The following LACTBL1 variants were observed in gnomAD, a reference collection of about 807,000 sequenced individuals.
LACTBL1 encodes the protein beta-lactamase-like protein 1.
Under a neutral mutation model 39.6 loss-of-function variants are expected in LACTBL1, and 29 were observed. The ratio of observed to expected loss-of-function variants is 0.73; its 90% CI spans 0.55 to 1.00. The LOEUF (loss-of-function observed/expected upper bound fraction) is 1.00. Ranked by LOEUF, LACTBL1 falls within the 50% of genes least tolerant of loss-of-function variation. The pLI, the probability that LACTBL1 is intolerant of heterozygous loss-of-function variation, is 0.00. For missense variants in LACTBL1, 711 were observed against 748.5 expected, an observed-to-expected ratio of 0.95 and a Z score of 0.59; for synonymous variants, 361 against 360.7, an observed-to-expected ratio of 1.00 and a Z score of -0.01.
chr1:22,966,734 A>G (rs1289432771), upstream of LACTBL1, among the ~76,000 whole-genome samples: 1 of 152,100 alleles, frequency 6.6e-6, no homozygotes, highest in East Asian at 1.9e-4. Context: ...GTCCTCAAGC[A>G]CCTGGAACTC....
exon 6 of LACTBL1, chr1:22,953,562 C>T: frequency 8.0e-7 from 1 of 1,250,188 alleles, no homozygotes; most frequent in Non-Finnish European, 1.0e-6. Flanking sequence ...GGGGCACCAG[C>T]GAGAAGGTGG....
chr1:22,967,613 C>T (rs754066302), upstream of LACTBL1, among the ~76,000 whole-genome samples: 2 of 151,716 alleles, frequency 1.3e-5, no homozygotes, highest in Non-Finnish European at 2.9e-5. Flanking sequence ...CACATATACA[C>T]ATATATATAA....
intron 4 of LACTBL1, among the ~76,000 whole-genome samples, chr1:22,956,406 G>A (rs754328504): frequency 2.8e-4 from 43 of 151,938 alleles, no homozygotes; most frequent in Non-Finnish European, 4.7e-4. Flanking sequence ...AGGAGGAGGA[G>A]GAAGGAGCCC....
At chr1:22,953,588 G>A (rs1640730701) in exon 6 of LACTBL1, 6 of 1,257,254 alleles carry the variant, frequency 4.8e-6, no homozygotes, top group Non-Finnish European at 5.0e-6. Context: ...TAGCCGTCCA[G>A]ATCGCCGTCC....
intron 1 of LACTBL1, 142 bp from the exon 4 acceptor site, chr1:22,963,358 C>G (rs937893103): frequency 2.7e-5 from 12 of 442,404 alleles, no homozygotes; most frequent in Non-Finnish European, 4.8e-5. Context: ...GGTCCAGAGA[C>G]CAGCCCTAGC....
exon 6 of LACTBL1, chr1:22,953,926 A>T: frequency 6.5e-7 from 1 of 1,550,354 alleles, no homozygotes; most frequent in Non-Finnish European, 8.7e-7. Context: ...CAGCGGCTCC[A>T]GCACGTTCTC....
the LACTBL1 span, among the ~76,000 whole-genome samples, chr1:22,971,570 G>C: frequency 1.3e-5 from 2 of 151,972 alleles, no homozygotes; most frequent in African/African-American, 4.8e-5. Context: ...CCTTCCTCAT[G>C]CTCACGGCCC....
upstream of LACTBL1, among the ~76,000 whole-genome samples, chr1:22,968,940 A>G (rs912542659): frequency 2.6e-5 from 4 of 152,008 alleles, no homozygotes; most frequent in African/African-American, 9.7e-5. Context: ...CAGTGATGTG[A>G]TCAGTTTTTG....
upstream of LACTBL1, among the ~76,000 whole-genome samples, chr1:22,965,817 TG>T (rs1351543117): frequency 6.6e-6 from 1 of 152,150 alleles, no homozygotes; most frequent in East Asian, 1.9e-4. Context: ...CAGTTCAACA[TG>T]GTTGGGGAGG....
At chr1:22,970,809 C>CAA in the LACTBL1 span, among the ~76,000 whole-genome samples, 111 of 80,118 alleles carry the variant, frequency 1.4e-3, no homozygotes, top group African/African-American at 1.6e-3. Context: ...GACCCTGTCT[C>CAA]AAAAAAAAAA....
upstream of LACTBL1, among the ~76,000 whole-genome samples, chr1:22,967,632 T>TAC (rs1206070344): frequency 2.3e-4 from 35 of 151,684 alleles, no homozygotes; most frequent in African/African-American, 8.5e-4. Context: ...AATGGTTCCA[T>TAC]ACATATATAT....
intron 1 of LACTBL1, 65 bp from the exon 4 acceptor site, chr1:22,963,281 G>C: frequency 1.1e-6 from 1 of 938,158 alleles, no homozygotes; most frequent in South Asian, 2.9e-5. Context: ...GGGGAAAGTG[G>C]CAGCAAAGGC....
At chr1:22,970,104 G>A (rs1236989657), upstream of LACTBL1, among the ~76,000 whole-genome samples, 1 of 152,168 alleles carries the variant, frequency 6.6e-6, no homozygotes, top group Non-Finnish European at 1.5e-5. Flanking sequence ...TTTACATCTG[G>A]AAATCTTGTG....
At chr1:22,955,882 T>C (rs1162390908) in intron 4 of LACTBL1, among the ~76,000 whole-genome samples, 1 of 150,358 alleles carries the variant, frequency 6.7e-6, no homozygotes, top group African/African-American at 2.5e-5. Flanking sequence ...GCCAACATGG[T>C]GAAACCCCAT....
the LACTBL1 span, among the ~76,000 whole-genome samples, chr1:22,971,263 T>C: frequency 2.6e-5 from 4 of 152,062 alleles, no homozygotes; most frequent in African/African-American, 9.7e-5. Context: ...CACCCCCAAT[T>C]TGTAGCCCTC....
upstream of LACTBL1, among the ~76,000 whole-genome samples, chr1:22,967,634 CAT>C (rs371735141): frequency 4.0e-5 from 6 of 151,830 alleles, no homozygotes; most frequent in Non-Finnish European, 7.4e-5. Context: ...TGGTTCCATA[CAT>C]ATATATATAG....
exon 4 of LACTBL1, chr1:22,958,731 T>C (rs1388037541): frequency 6.4e-7 from 1 of 1,550,464 alleles, no homozygotes. Flanking sequence ...GTGAAGGCCT[T>C]GGGGCGGGGC....
chr1:22,970,307 G>A (rs1049510888), upstream of LACTBL1, among the ~76,000 whole-genome samples: 2 of 152,328 alleles, frequency 1.3e-5, no homozygotes, highest in South Asian at 2.1e-4. Context: ...ATGCAATAAT[G>A]TGGATGAACC....
chr1:22,960,130 G>GC (rs1640805133), intron 2 of LACTBL1, 31 bp from the exon 5 acceptor site: 11 of 1,548,938 alleles, frequency 7.1e-6, no homozygotes, highest in Non-Finnish European at 9.6e-6. Flanking sequence ...GCAGTGACAG[G>GC]CCCCCCTGCC....
Sources: allele counts gnomAD v4.1 joint callset (sites outside exome capture counted in the v4.1 genomes callset), GRCh38; gene constraint gnomAD v4.1.1; transcripts MANE v1.5; gene names NCBI Gene and HGNC (gene_info 2026-07-23, HGNC 2026-07-21).